FAM117B: variants seen among roughly 807,000 people sequenced by gnomAD.
FAM117B encodes protein FAM117B.
In FAM117B, 22 loss-of-function variants were observed where a neutral mutation model predicts 52.8. That is an observed-to-expected ratio of 0.42 (90% CI 0.30 to 0.59). The LOEUF (loss-of-function observed/expected upper bound fraction) is 0.59, where lower values mean the gene tolerates loss of function less well. Among genes scored for constraint, FAM117B ranks in the 20% least tolerant of loss-of-function variants. The probability of loss-of-function intolerance (pLI) is 0.22; values close to 1 mark genes in which losing one functional copy is unlikely to be tolerated. For missense variants in FAM117B, 678 were observed against 802.6 expected, an observed-to-expected ratio of 0.84 and a Z score of 1.88; for synonymous variants, 309 against 324.1, an observed-to-expected ratio of 0.95 and a Z score of 0.50.
At chr2:202,727,876 G>A (rs896348177) in intron 4 of FAM117B, among the ~76,000 whole-genome samples, 2 of 152,142 alleles carry the variant, frequency 1.3e-5, no homozygotes, top group African/African-American at 4.8e-5. Context: ...TGTATAGATT[G>A]TTTGCAATGG....
At chr2:202,725,068 T>G in intron 3 of FAM117B, 59 bp downstream of exon 3, 2 of 1,326,964 alleles carry the variant, frequency 1.5e-6, no homozygotes, top group Non-Finnish European at 1.1e-6. Flanking sequence ...GTTGGCTATT[T>G]CCTTGATATT....
At chr2:202,704,800 C>A (rs1690849038) in intron 2 of FAM117B, among the ~76,000 whole-genome samples, 1 of 151,796 alleles carries the variant, frequency 6.6e-6, no homozygotes, top group Admixed American at 6.6e-5. Flanking sequence ...GAGGCTTCAC[C>A]ATATTGGCCA....
intron 1 of FAM117B, among the ~76,000 whole-genome samples, chr2:202,638,021 C>T (rs1405380988): frequency 6.6e-6 from 1 of 152,058 alleles, no homozygotes; most frequent in Non-Finnish European, 1.5e-5. Context: ...GGATTACAGG[C>T]ATGCGCTACC....
intron 2 of FAM117B, among the ~76,000 whole-genome samples, chr2:202,698,128 G>A (rs1334947292): frequency 6.6e-6 from 1 of 152,194 alleles, no homozygotes; most frequent in Non-Finnish European, 1.5e-5. Flanking sequence ...GCCTCCCAAA[G>A]TGCTGGGATT....
intron 2 of FAM117B, among the ~76,000 whole-genome samples, chr2:202,701,420 A>T (rs944911746): frequency 1.3e-5 from 2 of 152,216 alleles, no homozygotes; most frequent in Non-Finnish European, 2.9e-5. Context: ...GCCTGCTAAC[A>T]CAACATCCAT....
chr2:202,732,725 G>A (rs532618850), intron 4 of FAM117B, among the ~76,000 whole-genome samples: 1 of 152,246 alleles, frequency 6.6e-6, no homozygotes, highest in South Asian at 2.1e-4. Flanking sequence ...GGAGGCTGCG[G>A]CAGGAGAATC....
intron 1 of FAM117B, among the ~76,000 whole-genome samples, chr2:202,646,715 G>A (rs1037908379): frequency 6.6e-6 from 1 of 152,176 alleles, no homozygotes; most frequent in African/African-American, 2.4e-5. Context: ...CATCTTATTA[G>A]CCTATTCATT....
At chr2:202,641,308 T>C (rs780451416) in intron 1 of FAM117B, among the ~76,000 whole-genome samples, 33 of 152,192 alleles carry the variant, frequency 2.2e-4, no homozygotes, top group Non-Finnish European at 3.8e-4. Flanking sequence ...CAGTTCTTTG[T>C]GGCTTGAAAT....
At chr2:202,733,133 G>A (rs1213892139) in intron 4 of FAM117B, among the ~76,000 whole-genome samples, 2 of 152,088 alleles carry the variant, frequency 1.3e-5, no homozygotes, top group African/African-American at 4.8e-5. Flanking sequence ...CGCCTGAGCC[G>A]CAAAACCAGC....
intron 1 of FAM117B, among the ~76,000 whole-genome samples, chr2:202,687,130 G>A (rs1208475569): frequency 6.6e-6 from 1 of 152,116 alleles, no homozygotes; most frequent in East Asian, 1.9e-4. Flanking sequence ...GGAATGAACT[G>A]TTACATGCAA....
chr2:202,691,059 A>G (rs1419237629), intron 1 of FAM117B, among the ~76,000 whole-genome samples: 1 of 152,188 alleles, frequency 6.6e-6, no homozygotes, highest in Non-Finnish European at 1.5e-5. Flanking sequence ...GGGAGTTCCA[A>G]AGATAAAATG....
At chr2:202,647,848 T>TTTGA (rs1035484288) in intron 1 of FAM117B, among the ~76,000 whole-genome samples, 2 of 152,224 alleles carry the variant, frequency 1.3e-5, no homozygotes, top group Non-Finnish European at 2.9e-5. Flanking sequence ...CTGACATTTT[T>TTTGA]TTGATTGAGG....
At chr2:202,637,139 C>T (rs56016492) in intron 1 of FAM117B, among the ~76,000 whole-genome samples, 12,186 of 152,028 alleles carry the variant, frequency 0.08, 671 homozygotes, top group Middle Eastern at 0.19. Flanking sequence ...TCAGGTGAAA[C>T]GCCCGCCTTG....
At chr2:202,655,619 G>T (rs1049907837) in intron 1 of FAM117B, among the ~76,000 whole-genome samples, 5 of 151,698 alleles carry the variant, frequency 3.3e-5, no homozygotes, top group African/African-American at 1.2e-4. Context: ...TTTAGAAGAG[G>T]TTATGTAGCA....
intron 4 of FAM117B, among the ~76,000 whole-genome samples, chr2:202,738,945 TC>T (rs1455003932): frequency 6.6e-6 from 1 of 152,180 alleles, no homozygotes; most frequent in African/African-American, 2.4e-5. Flanking sequence ...TCCCAGCACT[TC>T]GGTAGGCTGA....
Position 202,769,747 on chromosome 2 carries a change from G to C in FAM117B, c.*3983G>C, listed in dbSNP as rs1175164291. 1 of 152,428 alleles carries C rather than the reference G, an allele frequency of 6.6e-6. No homozygotes were observed. Among genetic ancestry groups the C allele is most frequent in the Non-Finnish European group, 1.5e-5 (1 of 68,004 alleles). 9.4% of individuals were successfully genotyped at this position (152,428 alleles called of 1,614,324 possible). A position where few individuals can be genotyped will look rare whatever the true frequency, so the allele number is the denominator to read the frequency against. ...AACTTTTATGTTAAAAATAAAGTCTGTTCTTCTTGAGTTTTTTTCTGTGAA... is the reference window on the plus strand; with the variant it reads ...AACTTTTATGTTAAAAATAAAGTCTCTTCTTCTTGAGTTTTTTTCTGTGAA... On this transcript the variant is annotated 3_prime_UTR_variant, in exon 8 of 8. Transcript: ENST00000392238.
chr2:202,750,890 G>T (rs112979246), intron 4 of FAM117B, among the ~76,000 whole-genome samples: 92 of 152,072 alleles, frequency 6.0e-4, no homozygotes, highest in African/African-American at 2.1e-3. Flanking sequence ...TAAACATGAA[G>T]GGGCAAAGGA....
intron 2 of FAM117B, among the ~76,000 whole-genome samples, chr2:202,713,908 T>C (rs1371055873): frequency 1.3e-5 from 2 of 152,224 alleles, no homozygotes; most frequent in Admixed American, 1.3e-4. Context: ...GGTTTCACCA[T>C]GTTGGCCAGG....
chr2:202,686,736 G>T (rs1343719750), intron 1 of FAM117B, among the ~76,000 whole-genome samples: 2 of 151,894 alleles, frequency 1.3e-5, no homozygotes, highest in Non-Finnish European at 2.9e-5. Flanking sequence ...GAACCTGGGA[G>T]GGGGAGGTTG....
Sources: allele counts gnomAD v4.1 joint callset (sites outside exome capture counted in the v4.1 genomes callset), GRCh38; gene constraint gnomAD v4.1.1; transcripts MANE v1.5; gene names NCBI Gene and HGNC (gene_info 2026-07-23, HGNC 2026-07-21).